The following HDAC8 variants were observed in gnomAD, a reference collection of about 807,000 sequenced individuals.
The protein encoded by HDAC8 is histone deacetylase 8.
HDAC8 carries 1 observed loss-of-function variant against 32.2 expected under a neutral mutation model. The observed-to-expected ratio is 0.03, with a 90% CI of 0.01 to 0.15. The LOEUF (loss-of-function observed/expected upper bound fraction) is 0.15, where lower values mean the gene tolerates loss of function less well. Ranked by LOEUF, HDAC8 falls within the 10% of genes least tolerant of loss-of-function variation. The pLI, the probability that HDAC8 is intolerant of heterozygous loss-of-function variation, is 1.00. For synonymous variants in HDAC8, 108 were observed against 113.9 expected (o/e 0.95, Z 0.33); for missense variants, 117 against 300.0 (o/e 0.39, Z 4.51).
chrX:72,534,153 T>C (rs1020177714), intron 4 of HDAC8, among the ~76,000 whole-genome samples: 6 of 110,000 alleles, frequency 5.5e-5, no homozygotes, highest in East Asian at 2.8e-4. Flanking sequence ...CTTCTAATAG[T>C]TATAGTTCAG....
At chrX:72,438,019 G>A (rs1337843627) in intron 9 of HDAC8, among the ~76,000 whole-genome samples, 1 of 112,111 alleles carries the variant, frequency 8.9e-6, no homozygotes, top group East Asian at 2.8e-4. Context: ...TCCTCAAGTG[G>A]GTCCCTGACC....
chrX:72,351,284 G>A, intron 10 of HDAC8: 1 of 188,755 alleles, frequency 5.3e-6, no homozygotes. Context: ...ATTTTCTGTA[G>A]AGATGGAATC....
chrX:72,540,141 C>T (rs782486431), intron 4 of HDAC8, among the ~76,000 whole-genome samples: 2 of 112,238 alleles, frequency 1.8e-5, no homozygotes, highest in African/African-American at 6.5e-5. Context: ...CCAAGTCTGA[C>T]TCTTTTCCTC....
chrX:72,386,667 C>G (rs2045438378), intron 9 of HDAC8, among the ~76,000 whole-genome samples: 1 of 111,629 alleles, frequency 9.0e-6, no homozygotes, highest in African/African-American at 3.3e-5. Context: ...AGGTACTATA[C>G]TAGCTCCATG....
chrX:72,352,693 G>C (rs1360351081), intron 9 of HDAC8, among the ~76,000 whole-genome samples: 1 of 111,928 alleles, frequency 8.9e-6, no homozygotes, highest in Admixed American at 9.5e-5. Flanking sequence ...CTATAGTAGA[G>C]TTTATTTGTT....
intron 4 of HDAC8, among the ~76,000 whole-genome samples, chrX:72,526,506 C>T (rs1569371634): frequency 9.0e-6 from 1 of 111,375 alleles, no homozygotes; most frequent in Non-Finnish European, 1.9e-5. Flanking sequence ...TGGGTGGAAA[C>T]TGTCTAATTC....
At chrX:72,559,196 C>T (rs1490954664) in intron 4 of HDAC8, among the ~76,000 whole-genome samples, 14 of 104,985 alleles carry the variant, frequency 1.3e-4, no homozygotes, top group African/African-American at 3.5e-4. Context: ...CTCAGCCTGC[C>T]GAGTGCCTGG....
chrX:72,425,152 A>G (rs1247013765), intron 9 of HDAC8, among the ~76,000 whole-genome samples: 1 of 111,968 alleles, frequency 8.9e-6, no homozygotes, highest in Non-Finnish European at 1.9e-5. Context: ...CAGCTGCACC[A>G]TTTTACATCC....
chrX:72,488,868 G>A, intron 7 of HDAC8, 65 bp downstream of exon 7: 1 of 644,957 alleles, frequency 1.6e-6, no homozygotes, highest in Non-Finnish European at 2.4e-6. Flanking sequence ...TACATTGTGA[G>A]ATGGGGGCCA....
chrX:72,458,257 G>A (rs2047774770), intron 9 of HDAC8, among the ~76,000 whole-genome samples: 1 of 112,762 alleles, frequency 8.9e-6, no homozygotes, highest in Admixed American at 9.3e-5. Context: ...TGGCTCCCCA[G>A]TGCTCTGGCT....
At chrX:72,377,661 C>G (rs1333738842) in intron 9 of HDAC8, among the ~76,000 whole-genome samples, 1 of 112,095 alleles carries the variant, frequency 8.9e-6, no homozygotes, top group Non-Finnish European at 1.9e-5. Context: ...CATGCTATAT[C>G]TTTTGCCATC....
intron 9 of HDAC8, among the ~76,000 whole-genome samples, chrX:72,388,394 A>C (rs1275934685): frequency 9.1e-6 from 1 of 109,505 alleles, no homozygotes; most frequent in Non-Finnish European, 1.9e-5. Flanking sequence ...TCAACCATTC[A>C]CCCACTTGCC....
chrX:72,472,076 T>A (rs782066244), intron 7 of HDAC8, among the ~76,000 whole-genome samples: 143 of 107,388 alleles, frequency 1.3e-3, no homozygotes, highest in South Asian at 2.7e-3. Context: ...TTATTTATTT[T>A]TTTTTTTTTG....
intron 9 of HDAC8, among the ~76,000 whole-genome samples, chrX:72,450,389 C>A (rs2047540049): frequency 8.9e-6 from 1 of 111,958 alleles, no homozygotes; most frequent in African/African-American, 3.2e-5. Flanking sequence ...TATGCACACA[C>A]AGGCACACAC....
At position 72,490,974 on chromosome X, in the gene HDAC8, C is replaced by T. The variant is rs1556009256; in HGVS notation, c.583G>A (p.Val195Ile). 1 of 1,206,663 alleles carries T rather than the reference C, an allele frequency of 8.3e-7. No individual in the cohort carries two copies. The highest frequency in any genetic ancestry group is 1.1e-6 in the Non-Finnish European group (1 of 891,400). ...VEDAFSFTSK[V>I]MTVSLHKFSP... is the part of the protein sequence containing the mutation. The stretch of plus-strand genomic sequence containing the variant: ...AATTTGTGCAGGGACACGGTCATGA[C>T]TTTGGAGGTGAAACTGAATGCGTCT... Residue 195 changes from valine (V) to isoleucine (I), a missense_variant, in exon 6 of 11, where the codon GTC becomes ATC. Transcript: ENST00000373573.
chrX:72,438,395 G>A (rs1307430502), intron 9 of HDAC8, among the ~76,000 whole-genome samples: 1 of 111,990 alleles, frequency 8.9e-6, no homozygotes, highest in Non-Finnish European at 1.9e-5. Context: ...GGAAAAACCA[G>A]TGTAAAAAGG....
intron 8 of HDAC8, among the ~76,000 whole-genome samples, chrX:72,462,633 C>T (rs1205912011): frequency 8.9e-6 from 1 of 111,918 alleles, no homozygotes. Flanking sequence ...AAAACATAGG[C>T]CTGGTGGCAG....
At chrX:72,377,624 C>T (rs1260337733) in intron 9 of HDAC8, among the ~76,000 whole-genome samples, 1 of 112,154 alleles carries the variant, frequency 8.9e-6, no homozygotes, top group East Asian at 2.8e-4. Flanking sequence ...AGTATAGCCA[C>T]ACCAGCTCTC....
rs376266129 is a variant in HDAC8, at chrX:72,548,680, T to TTC, written c.437+19207_437+19208dup. Among the ~76,000 whole-genome samples the TTC allele has an allele frequency of 8.6e-3, 907 of 105,960 alleles. 6 individuals are homozygous for TTC. The highest frequency in any genetic ancestry group is 0.013 in the Non-Finnish European group (666 of 51,407). The allele number at this position is 105,960 out of a possible 115,157, so 92.0% of individuals were successfully genotyped here. A position where few individuals can be genotyped will look rare whatever the true frequency, so the allele number is the denominator to read the frequency against. On this transcript the variant is annotated intron_variant, in intron 4 of 10. Transcript: ENST00000373573. The stretch of plus-strand genomic sequence containing the variant: ...TAGCACTGTTTCTCAACCATTTCTC[T>TTC]TCTCTCTCTCTCTCTCTCTCTCTGA...
Sources: gnomAD v4.1 joint callset for allele counts (sites outside exome capture counted in the v4.1 genomes callset) on GRCh38, gnomAD v4.1.1 for gene constraint, MANE v1.5 for transcripts, NCBI Gene and HGNC (gene_info 2026-07-23, HGNC 2026-07-21) for gene names.